Variants in GABRR1 observed in about 807,000 individuals in gnomAD.
GABRR1 encodes gamma-aminobutyric acid receptor subunit rho-1.
GABRR1 carries 59 observed loss-of-function variants against 55.5 expected under a neutral mutation model. The observed-to-expected ratio is 1.06, with a 90% CI of 0.86 to 1.32. The LOEUF (loss-of-function observed/expected upper bound fraction) is 1.32. Ranked by LOEUF, GABRR1 falls within the 40% of genes most tolerant of loss-of-function variation. GABRR1 has a pLI of 0.00. For synonymous variants in GABRR1, 213 were observed against 226.0 expected, an observed-to-expected ratio of 0.94 and a Z score of 0.51; for missense variants, 602 against 619.1, an observed-to-expected ratio of 0.97 and a Z score of 0.29.
chr6:89,212,537 T>C (rs976857555), intron 1 of GABRR1, among the ~76,000 whole-genome samples: 1 of 152,184 alleles, frequency 6.6e-6, no homozygotes, highest in Non-Finnish European at 1.5e-5. Flanking sequence ...CAGCTTCTGG[T>C]AGAATCAGTT....
chr6:89,199,561 T>G, intron 3 of GABRR1, 132 bp from the exon 4 acceptor site: 3 of 732,020 alleles, frequency 4.1e-6, no homozygotes, highest in Non-Finnish European at 6.9e-6. Flanking sequence ...CATGGCAACC[T>G]GAAGTCAAAC....
In GABRR1 at chr6:89,202,303, G is replaced by T. The variant is rs376459739; in HGVS notation, c.174-1038C>A. On this transcript the variant is annotated intron_variant, in intron 2 of 9. Coordinates refer to ENST00000454853, the MANE Select transcript of GABRR1 (RefSeq NM_002042.5). ...CGTTTTTTTGTTTGTTTGTTTGTTT[G>T]TTTGTTTTGAGACAGTCTCACTGTG... Among the ~76,000 whole-genome samples, 403 of 135,094 alleles carry T rather than the reference G, an allele frequency of 3.0e-3. 5 individuals carry two copies. Among genetic ancestry groups the T allele is most frequent in the African/African-American group, 8.7e-3 (349 of 40,056 alleles). The allele number at this position is 135,094 out of a possible 152,430, so 88.6% of individuals were successfully genotyped here. A position where few individuals can be genotyped will look rare whatever the true frequency, so the allele number is the denominator to read the frequency against.
chr6:89,196,829 AAG>A (rs1491293022), intron 5 of GABRR1, among the ~76,000 whole-genome samples: 9 of 90,386 alleles, frequency 1.0e-4, no homozygotes, highest in African/African-American at 4.3e-4. Context: ...GAAGGAAAGA[AAG>A]AAAGAAAGAA....
At chr6:89,206,521 A>T (rs1199318547) in intron 1 of GABRR1, among the ~76,000 whole-genome samples, 1 of 151,812 alleles carries the variant, frequency 6.6e-6, no homozygotes, top group South Asian at 2.1e-4. Flanking sequence ...TCTCCTTTAC[A>T]TGCTTCCATC....
chr6:89,195,107 CAAG>C (rs1177401087), intron 5 of GABRR1, among the ~76,000 whole-genome samples: 1 of 152,018 alleles, frequency 6.6e-6, no homozygotes, highest in Non-Finnish European at 1.5e-5. Flanking sequence ...TCTGAAAGGT[CAAG>C]AACAAAGAGA....
intron 4 of GABRR1, 99 bp from the exon 5 acceptor site, chr6:89,198,342 G>T (rs1279413974): frequency 1.1e-6 from 1 of 904,068 alleles, no homozygotes; most frequent in Non-Finnish European, 1.8e-6. Flanking sequence ...GCTGGGGAAT[G>T]AAACCGAACC....
intron 4 of GABRR1, 145 bp downstream of exon 4, chr6:89,199,217 T>C (rs1772389474): frequency 1.4e-6 from 1 of 735,550 alleles, no homozygotes; most frequent in Non-Finnish European, 2.4e-6. Flanking sequence ...GGGCAAATCT[T>C]CCTGAGCCAT....
chr6:89,204,166 T>C (rs1022930754), intron 1 of GABRR1, among the ~76,000 whole-genome samples: 4 of 152,190 alleles, frequency 2.6e-5, no homozygotes, highest in Non-Finnish European at 5.9e-5. Context: ...TCTGCCCACA[T>C]CTCTTCGAAT....
intron 1 of GABRR1, among the ~76,000 whole-genome samples, chr6:89,208,222 T>C (rs1772712418): frequency 1.3e-5 from 2 of 152,230 alleles, no homozygotes; most frequent in African/African-American, 2.4e-5. Flanking sequence ...CATGTATCCA[T>C]CATGTTATTT....
chr6:89,178,782 A>G lies in GABRR1; in HGVS notation c.1428T>C (p.Ser476=). ...AYILFNLIYW[S]IFS ...GAATTACAAGCATCTAGGAGAAAAT[A>G]GACCAGTATATTAAATTGAATAAAA... The change falls in exon 10 of 10, where the codon TCT becomes TCC. Residue 476 remains serine, a synonymous_variant. Coordinates refer to ENST00000454853, the MANE Select transcript of GABRR1 (RefSeq NM_002042.5). 6.2e-7 allele frequency: 1 copy of G among 1,612,634 alleles called. No individual in the cohort carries two copies. The highest frequency in any genetic ancestry group is 8.5e-7 in the Non-Finnish European group (1 of 1,178,592).
At chr6:89,186,243 C>T (rs995579960) in intron 6 of GABRR1, among the ~76,000 whole-genome samples, 14 of 152,194 alleles carry the variant, frequency 9.2e-5, no homozygotes, top group Admixed American at 1.3e-4. Context: ...GTCAACCTGG[C>T]TTGGCTATGG....
chr6:89,198,348 G>T (rs756023096), intron 4 of GABRR1, 105 bp from the exon 5 acceptor site: 4 of 854,238 alleles, frequency 4.7e-6, no homozygotes, highest in Non-Finnish European at 7.9e-6. Context: ...GAATGAAACC[G>T]AACCAAGAGA....
intron 7 of GABRR1, among the ~76,000 whole-genome samples, chr6:89,183,905 T>C (rs1393186369): frequency 1.3e-5 from 2 of 152,030 alleles, no homozygotes; most frequent in East Asian, 1.9e-4. Flanking sequence ...AAACTACCCA[T>C]TGGGTACAAT....
rs1772394049 is a variant in GABRR1, at chr6:89,199,361, C to T, written c.348+1G>A. On this transcript the variant is annotated splice_donor_variant, in intron 4 of 9. Transcript: ENST00000454853. LOFTEE classifies it high-confidence loss of function. ...ACGGCCCTGGTCAGAGAAGCACTTA[C>T]CATGTCAACCTCTGAGATGCTATCC... 1 of 1,613,582 alleles carries T rather than the reference C, an allele frequency of 6.2e-7. No individual in the cohort carries two copies. Among genetic ancestry groups the T allele is most frequent in the Non-Finnish European group, 8.5e-7 (1 of 1,179,740 alleles).
chr6:89,183,505 A>G (rs377703057), intron 7 of GABRR1, among the ~76,000 whole-genome samples: 1 of 144,490 alleles, frequency 6.9e-6, no homozygotes, highest in African/African-American at 2.6e-5. Flanking sequence ...CAAGTTTTAC[A>G]TAGAAACTGC....
At chr6:89,221,695 C>G (rs551507997), upstream of GABRR1, among the ~76,000 whole-genome samples, 24 of 152,230 alleles carry the variant, frequency 1.6e-4, no homozygotes, top group Middle Eastern at 0.01. Context: ...TACACGTGCA[C>G]CAATTTGGCT....
rs539286473 is a variant in GABRR1 at position 89,200,727 on chromosome 6, T to C, written c.280+432A>G. ...CATTATTCTCTCAAGCTATTTTCATTTAATTAAAATGAGCAGACCACATTC... is the reference window on the plus strand; with the variant it reads ...CATTATTCTCTCAAGCTATTTTCATCTAATTAAAATGAGCAGACCACATTC... On this transcript the variant is annotated intron_variant, in intron 3 of 9. Transcript: ENST00000454853. 5.3e-5 allele frequency among the ~76,000 whole-genome samples: 8 copies of C among 152,294 alleles called. No individual in the cohort carries two copies. The South Asian group carries it at 1.7e-3, about 32-fold the overall frequency.
At chr6:89,192,239 G>A (rs1211181245) in intron 5 of GABRR1, among the ~76,000 whole-genome samples, 1 of 151,958 alleles carries the variant, frequency 6.6e-6, no homozygotes, top group Non-Finnish European at 1.5e-5. Context: ...TCACTCCCAC[G>A]ACTGGGCGCC....
rs1010213625 is a variant in GABRR1 at position 89,177,645 on chromosome 6, C to T, written c.*1125G>A. 5.3e-5 allele frequency: 8 copies of T among 152,180 alleles called. No individual in the cohort carries two copies. The highest frequency in any genetic ancestry group is 1.0e-4 in the Non-Finnish European group (7 of 68,044). 9.4% of individuals were successfully genotyped at this position (152,180 alleles called of 1,614,324 possible). A position where few individuals can be genotyped will look rare whatever the true frequency, so the allele number is the denominator to read the frequency against. On this transcript the variant is annotated 3_prime_UTR_variant, in exon 10 of 10. Transcript: ENST00000454853. ...GTGATACACCAGATTAGAACCCTCTCCTTTACCCCATGCCCTGACATCAGT... is the reference window on the plus strand; with the variant it reads ...GTGATACACCAGATTAGAACCCTCTTCTTTACCCCATGCCCTGACATCAGT...
Sources: gnomAD v4.1 joint callset for allele counts (sites outside exome capture counted in the v4.1 genomes callset) on GRCh38, gnomAD v4.1.1 for gene constraint, MANE v1.5 for transcripts, NCBI Gene and HGNC (gene_info 2026-07-23, HGNC 2026-07-21) for gene names.